SLC25A13: variants seen among roughly 807,000 people sequenced by gnomAD.
SLC25A13 encodes solute carrier family 25 member 13, also known as electrogenic aspartate/glutamate antiporter SLC25A13, mitochondrial.
A neutral mutation model predicts 85.5 loss-of-function variants in SLC25A13; 70 were observed. That is an observed-to-expected ratio of 0.82 (90% CI 0.68 to 1.00). The LOEUF is 1.00. Among genes scored for constraint, SLC25A13 ranks in the 50% least tolerant of loss-of-function variants. The pLI is 0.00. For missense variants in SLC25A13, 765 were observed against 819.8 expected, an observed-to-expected ratio of 0.93 and a Z score of 0.82; for synonymous variants, 259 against 288.7, an observed-to-expected ratio of 0.90 and a Z score of 1.04.
At chr7:96,195,743 G>A (rs1043250892) in intron 5 of SLC25A13, among the ~76,000 whole-genome samples, 1 of 152,132 alleles carries the variant, frequency 6.6e-6, no homozygotes, top group African/African-American at 2.4e-5. Context: ...ACCTAGTGTA[G>A]ACTGCTGCCC....
intron 4 of SLC25A13, among the ~76,000 whole-genome samples, chr7:96,232,031 T>A (rs1035671103): frequency 1.3e-4 from 20 of 152,134 alleles, no homozygotes; most frequent in African/African-American, 4.1e-4. Context: ...GTGTGGTGAT[T>A]CCTCAAAGAC....
chr7:96,300,005 T>C (rs1014492786), intron 1 of SLC25A13, among the ~76,000 whole-genome samples: 5 of 152,242 alleles, frequency 3.3e-5, no homozygotes, highest in African/African-American at 4.8e-5. Context: ...CAGTCCTTCA[T>C]TGATGAAAAC....
intron 1 of SLC25A13, among the ~76,000 whole-genome samples, chr7:96,321,655 G>A (rs1168320057): frequency 1.3e-5 from 2 of 152,084 alleles, no homozygotes; most frequent in Admixed American, 1.3e-4. Context: ...CCTCCTCGTC[G>A]GCCCTGGCTC....
At chr7:96,292,801 C>T (rs1799178493) in intron 2 of SLC25A13, among the ~76,000 whole-genome samples, 2 of 152,184 alleles carry the variant, frequency 1.3e-5, no homozygotes, top group Admixed American at 1.3e-4. Context: ...AATGGAAGAA[C>T]ATTCCATGCT....
At chr7:96,163,590 CAAT>C (rs1253497228) in intron 13 of SLC25A13, among the ~76,000 whole-genome samples, 1 of 152,182 alleles carries the variant, frequency 6.6e-6, no homozygotes. Context: ...TTCTCCTCCT[CAAT>C]GATGGAGAAA....
At chr7:96,303,576 T>C (rs553713547) in intron 1 of SLC25A13, among the ~76,000 whole-genome samples, 3 of 152,110 alleles carry the variant, frequency 2.0e-5, no homozygotes, top group Non-Finnish European at 4.4e-5. Context: ...AAACTACAAT[T>C]CCCAGACTCC....
intron 6 of SLC25A13, 98 bp downstream of exon 6, chr7:96,192,939 T>C: frequency 7.4e-7 from 1 of 1,344,682 alleles, no homozygotes. Flanking sequence ...TGTTAGTGTT[T>C]GCAACAGAAA....
intron 3 of SLC25A13, among the ~76,000 whole-genome samples, chr7:96,238,816 C>G (rs989363820): frequency 3.3e-5 from 5 of 151,906 alleles, no homozygotes; most frequent in African/African-American, 1.2e-4. Context: ...ATCATATTTG[C>G]TTAATTACCC....
intron 13 of SLC25A13, among the ~76,000 whole-genome samples, chr7:96,165,407 C>A (rs1793701608): frequency 1.3e-5 from 2 of 152,186 alleles, no homozygotes; most frequent in Admixed American, 1.3e-4. Flanking sequence ...TAACCAAAAA[C>A]TTGGTTAAAT....
At chr7:96,247,394 A>G (rs1197371473) in intron 3 of SLC25A13, among the ~76,000 whole-genome samples, 1 of 152,160 alleles carries the variant, frequency 6.6e-6, no homozygotes, top group Non-Finnish European at 1.5e-5. Context: ...TTCAGATTGA[A>G]TTTGCAGAAA....
At chr7:96,285,042 T>C (rs1189889273) in intron 2 of SLC25A13, among the ~76,000 whole-genome samples, 1 of 152,088 alleles carries the variant, frequency 6.6e-6, no homozygotes, top group Non-Finnish European at 1.5e-5. Context: ...CTTTCTCTGT[T>C]ACTAATACAA....
intron 13 of SLC25A13, among the ~76,000 whole-genome samples, chr7:96,148,998 C>G (rs927862660): frequency 1.3e-5 from 2 of 152,204 alleles, no homozygotes; most frequent in Non-Finnish European, 2.9e-5. Flanking sequence ...TCCATAGATG[C>G]ATGTTACAAT....
intron 2 of SLC25A13, among the ~76,000 whole-genome samples, chr7:96,296,468 C>T (rs935054847): frequency 2.0e-5 from 3 of 151,658 alleles, no homozygotes; most frequent in African/African-American, 7.3e-5. Flanking sequence ...CCTCTTAAGA[C>T]ATGTTGGGAT....
intron 14 of SLC25A13, 62 bp downstream of exon 14, chr7:96,146,494 A>G: frequency 6.3e-7 from 1 of 1,577,490 alleles, no homozygotes; most frequent in Non-Finnish European, 8.6e-7. Context: ...GTTGAAGAAT[A>G]GTTTCTGCAT....
At chr7:96,217,901 GA>G (rs373871911) in intron 4 of SLC25A13, among the ~76,000 whole-genome samples, 1 of 96,222 alleles carries the variant, frequency 1.0e-5, no homozygotes, top group Non-Finnish European at 2.2e-5. Flanking sequence ...AGCTTTCTCT[GA>G]AAAAAAAAAA....
At chr7:96,190,271 T>C (rs1794794924) in intron 7 of SLC25A13, among the ~76,000 whole-genome samples, 1 of 151,870 alleles carries the variant, frequency 6.6e-6, no homozygotes. Context: ...ATATACATTT[T>C]TAGTAGAGAC....
chr7:96,212,682 G>A (rs1320096338), intron 4 of SLC25A13, among the ~76,000 whole-genome samples: 2 of 152,180 alleles, frequency 1.3e-5, no homozygotes, highest in African/African-American at 4.8e-5. Flanking sequence ...TGGGATCACT[G>A]AGACATGATA....
chr7:96,290,659 A>G (rs1171561200), intron 2 of SLC25A13, among the ~76,000 whole-genome samples: 1 of 152,178 alleles, frequency 6.6e-6, no homozygotes, highest in African/African-American at 2.4e-5. Flanking sequence ...CTTTAAACCA[A>G]CAAAGATCAA....
At chr7:96,157,199 G>T (rs974108546) in intron 13 of SLC25A13, among the ~76,000 whole-genome samples, 4 of 152,158 alleles carry the variant, frequency 2.6e-5, no homozygotes, top group African/African-American at 9.7e-5. Context: ...CTACTGATAC[G>T]AAGCATCATT....
Sources: gnomAD v4.1 joint callset for allele counts (sites outside exome capture counted in the v4.1 genomes callset) on GRCh38, gnomAD v4.1.1 for gene constraint, MANE v1.5 for transcripts, NCBI Gene and HGNC (gene_info 2026-07-23, HGNC 2026-07-21) for gene names.